The following FAM210A variants were observed in gnomAD, a reference collection of about 807,000 sequenced individuals.
FAM210A encodes family with sequence similarity 210 member A.
FAM210A carries 13 observed loss-of-function variants against 25.3 expected under a neutral mutation model. The ratio of observed to expected loss-of-function variants is 0.51; its 90% CI spans 0.33 to 0.82. The LOEUF (loss-of-function observed/expected upper bound fraction) is 0.82. Ranked by LOEUF, FAM210A falls within the 40% of genes least tolerant of loss-of-function variation. The pLI, the probability that FAM210A is intolerant of heterozygous loss-of-function variation, is 0.02. For synonymous variants in FAM210A, 125 were observed against 118.7 expected, an observed-to-expected ratio of 1.05 and a Z score of -0.35; for missense variants, 319 against 323.2, an observed-to-expected ratio of 0.99 and a Z score of 0.10.
At chr18:13,706,471 T>A (rs1449229921) in intron 1 of FAM210A, among the ~76,000 whole-genome samples, 2 of 152,110 alleles carry the variant, frequency 1.3e-5, no homozygotes, top group South Asian at 2.1e-4. Context: ...GAAGCCCCAA[T>A]GTAGGTAAGA....
intron 1 of FAM210A, among the ~76,000 whole-genome samples, chr18:13,720,596 A>C (rs2043890857): frequency 6.6e-6 from 1 of 152,170 alleles, no homozygotes; most frequent in Admixed American, 6.5e-5. Context: ...CAGTAAGTCT[A>C]GAGTAGTTGT....
chr18:13,698,171 G>A (rs944650514), intron 1 of FAM210A, among the ~76,000 whole-genome samples: 5 of 152,006 alleles, frequency 3.3e-5, no homozygotes, highest in African/African-American at 1.2e-4. Context: ...TGCCCAACAT[G>A]GTAAAACCCT....
At chr18:13,719,479 C>G (rs145098044) in intron 1 of FAM210A, among the ~76,000 whole-genome samples, 1 of 152,150 alleles carries the variant, frequency 6.6e-6, no homozygotes, top group Non-Finnish European at 1.5e-5. Flanking sequence ...TTGGCACCCA[C>G]AAAATCTAAC....
At position 13,666,166 on chromosome 18, in the gene FAM210A, T is replaced by G; in HGVS notation, c.*314A>C. On this transcript the variant is annotated 3_prime_UTR_variant, in exon 4 of 4. Transcript: ENST00000651643. ...GAGTCAGCTGCCTAGTATGTGTCAA[T>G]TACAGCTGCAACAAAACAGAAATCA... The G allele has an allele frequency of 3.5e-6, 1 of 289,758 alleles. No homozygotes were observed. 17.9% of individuals were successfully genotyped at this position (289,758 alleles called of 1,614,324 possible).
intron 1 of FAM210A, among the ~76,000 whole-genome samples, chr18:13,712,978 G>A (rs1250585281): frequency 1.3e-5 from 2 of 152,222 alleles, no homozygotes; most frequent in South Asian, 2.1e-4. Context: ...CTCATTTGCC[G>A]CCCTGGCTTT....
intron 1 of FAM210A, among the ~76,000 whole-genome samples, chr18:13,715,846 A>G (rs916620369): frequency 2.0e-5 from 3 of 152,218 alleles, no homozygotes; most frequent in African/African-American, 4.8e-5. Context: ...AATCCCCAAC[A>G]TAAGATGAAA....
At chr18:13,695,320 T>A (rs2043683050) in intron 1 of FAM210A, among the ~76,000 whole-genome samples, 1 of 152,166 alleles carries the variant, frequency 6.6e-6, no homozygotes, top group African/African-American at 2.4e-5. Flanking sequence ...TCCTCAAGGA[T>A]CTAGGACTAT....
chr18:13,709,033 A>T (rs2043802567), intron 1 of FAM210A, among the ~76,000 whole-genome samples: 1 of 152,226 alleles, frequency 6.6e-6, no homozygotes, highest in Non-Finnish European at 1.5e-5. Flanking sequence ...ATGATAGTAC[A>T]TCATCATATC....
Position 13,675,710 on chromosome 18 carries a change from C to CTTT in FAM210A, c.474-3738_474-3737insAAA, listed in dbSNP as rs201894742. ...TATTAACATTCCTGAGCCCCGACTTCATTTCCAGTTTCCTGATTATTAACA... is the reference window on the plus strand; with the variant it reads ...TATTAACATTCCTGAGCCCCGACTTCTTTATTTCCAGTTTCCTGATTATTAACA... On this transcript the variant is annotated intron_variant, in intron 2 of 3. Transcript: ENST00000651643. Among the ~76,000 whole-genome samples the CTTT allele has an allele frequency of 4.9e-3, 47 of 9,572 alleles. 4 individuals are homozygous for CTTT. Among genetic ancestry groups the CTTT allele is most frequent in the East Asian group, 0.016 (2 of 128 alleles). The allele number at this position is 9,572 out of a possible 152,430, so 6.3% of individuals were successfully genotyped here.
chr18:13,677,591 A>T (rs2043516301), intron 2 of FAM210A, among the ~76,000 whole-genome samples: 1 of 152,300 alleles, frequency 6.6e-6, no homozygotes, highest in Non-Finnish European at 1.5e-5. Flanking sequence ...TTTAACTACC[A>T]GGCCCAGGGT....
rs779959241 is a variant in FAM210A at position 13,725,670 on chromosome 18, T to C, written c.-29+659A>G. The stretch of plus-strand genomic sequence containing the variant: ...TTCAATAATCTATCCACAGGTAGTT[T>C]TGACCCTGATCTCAGGTTGAAAGTC... On this transcript the variant is annotated intron_variant, in intron 1 of 3. Coordinates refer to ENST00000651643, the MANE Select transcript of FAM210A (RefSeq NM_152352.4). Among the ~76,000 whole-genome samples the C allele has an allele frequency of 4.7e-4, 71 of 152,300 alleles. 1 individual carries two copies. Among genetic ancestry groups the C allele is most frequent in the Middle Eastern group, 3.4e-3 (1 of 294 alleles).
chr18:13,686,800 C>G (rs1359224932), intron 1 of FAM210A, among the ~76,000 whole-genome samples: 1 of 151,930 alleles, frequency 6.6e-6, no homozygotes, highest in Non-Finnish European at 1.5e-5. Flanking sequence ...CAAAAACAAA[C>G]AAACAAAAAA....
At position 13,724,557 on chromosome 18, in the gene FAM210A, G is replaced by A. The variant is rs2043919110; in HGVS notation, c.-29+1772C>T. On this transcript the variant is annotated intron_variant, in intron 1 of 3. Transcript: ENST00000651643. ...AGAGATTACTCAGGCAATAATGAGG[G>A]AAAAATAACACCAATGGTAACTTTA... Among the ~76,000 whole-genome samples the A allele has an allele frequency of 1.3e-5, 2 of 152,112 alleles. 1 individual carries two copies. Among genetic ancestry groups the A allele is most frequent in the South Asian group, 4.1e-4 (2 of 4,830 alleles).
intron 1 of FAM210A, among the ~76,000 whole-genome samples, chr18:13,711,571 C>T (rs1040326197): frequency 5.9e-5 from 9 of 152,314 alleles, no homozygotes; most frequent in African/African-American, 2.2e-4. Flanking sequence ...CCTACTTGTT[C>T]AAAGTCTTTC....
chr18:13,684,912 T>C (rs1615908), intron 1 of FAM210A, among the ~76,000 whole-genome samples: 135,514 of 152,142 alleles, frequency 0.89, 60,449 homozygotes, highest in East Asian at 0.95. Flanking sequence ...AGCCGGGAAC[T>C]CCCCCCACTC....
chr18:13,678,570 G>A (rs1205160047), intron 2 of FAM210A, among the ~76,000 whole-genome samples: 1 of 152,196 alleles, frequency 6.6e-6, no homozygotes, highest in Admixed American at 6.5e-5. Context: ...GATTACAGGC[G>A]TGAGCCACTG....
chr18:13,681,933 G>T lies in FAM210A; in HGVS notation c.145C>A (p.Gln49Lys). 6.2e-7 allele frequency: 1 copy of T among 1,614,150 alleles called. No individual in the cohort carries two copies. The highest frequency in any genetic ancestry group is 1.3e-5 in the African/African-American group (1 of 75,028). ...TGCAACCATTGTTTTTGAGGGCCTT[G>T]TACCAAAACCACTTTGGATTCAGCA... ...YNAESKVVLV[Q>K]GPQKQWLHLS... Residue 49 changes from glutamine (Q) to lysine (K), a missense_variant, in exon 2 of 4, where the codon CAA (glutamine) becomes AAA (lysine). Gln to Lys is a moderately conservative substitution (Grantham distance 53). Transcript: ENST00000651643.
chr18:13,705,474 A>ATT (rs200851923), intron 1 of FAM210A, among the ~76,000 whole-genome samples: 1 of 151,584 alleles, frequency 6.6e-6, no homozygotes, highest in African/African-American at 2.4e-5. Flanking sequence ...TGCTAAAATA[A>ATT]TTTTTTTTTC....
chr18:13,707,168 C>T (rs2043784781), intron 1 of FAM210A, among the ~76,000 whole-genome samples: 1 of 152,138 alleles, frequency 6.6e-6, no homozygotes, highest in Non-Finnish European at 1.5e-5. Context: ...ATCTCGAAAC[C>T]CAAAATAATG....
Sources: allele counts gnomAD v4.1 joint callset (sites outside exome capture counted in the v4.1 genomes callset), GRCh38; gene constraint gnomAD v4.1.1; transcripts MANE v1.5; gene names NCBI Gene and HGNC (gene_info 2026-07-23, HGNC 2026-07-21).